Variants in PPP2R5A observed in about 807,000 individuals in gnomAD.
PPP2R5A encodes serine/threonine-protein phosphatase 2A 56 kDa regulatory subunit alpha isoform.
PPP2R5A carries 25 observed loss-of-function variants against 64.2 expected under a neutral mutation model. The ratio of observed to expected loss-of-function variants is 0.39; its 90% confidence interval spans 0.28 to 0.54. PPP2R5A has a LOEUF of 0.54. PPP2R5A is among the 20% of genes least tolerant of loss of function. PPP2R5A has a pLI of 0.67. For missense variants in PPP2R5A, 425 were observed against 576.3 expected, an observed-to-expected ratio of 0.74 and a Z score of 2.69; for synonymous variants, 198 against 201.2, an observed-to-expected ratio of 0.98 and a Z score of 0.13.
intron 1 of PPP2R5A, among the ~76,000 whole-genome samples, chr1:212,303,719 G>T (rs116738954): frequency 0.017 from 2,601 of 151,926 alleles, 76 homozygotes; most frequent in African/African-American, 0.06. Context: ...TTTATATAGG[G>T]TATGACTTAA....
intron 8 of PPP2R5A, among the ~76,000 whole-genome samples, chr1:212,352,479 TCAC>T (rs1167721703): frequency 2.0e-5 from 3 of 151,612 alleles, no homozygotes; most frequent in East Asian, 1.9e-4. Flanking sequence ...AGACAGGATC[TCAC>T]CACATCACCC....
intron 1 of PPP2R5A, among the ~76,000 whole-genome samples, chr1:212,317,269 G>A (rs1377335131): frequency 3.9e-5 from 6 of 152,124 alleles, no homozygotes; most frequent in Non-Finnish European, 2.9e-5. Flanking sequence ...TCTCATTTTA[G>A]AGGGAAGGGG....
intron 1 of PPP2R5A, among the ~76,000 whole-genome samples, chr1:212,312,231 C>T (rs1434060307): frequency 2.0e-5 from 3 of 152,140 alleles, no homozygotes; most frequent in East Asian, 1.9e-4. Context: ...ATAGCCTAGG[C>T]GTGTAGTAGG....
intron 1 of PPP2R5A, among the ~76,000 whole-genome samples, chr1:212,316,926 C>A (rs541100148): frequency 3.4e-4 from 51 of 152,162 alleles, no homozygotes; most frequent in African/African-American, 1.2e-3. Flanking sequence ...TTGTCTGAAG[C>A]GTGAATGCTT....
intron 3 of PPP2R5A, among the ~76,000 whole-genome samples, chr1:212,334,851 G>A (rs754975914): frequency 8.5e-5 from 13 of 152,064 alleles, no homozygotes; most frequent in Non-Finnish European, 1.6e-4. Flanking sequence ...TGATTATGAT[G>A]TATCTAGGTG....
chr1:212,333,907 C>T (rs61828730), intron 3 of PPP2R5A: 8,568 of 196,464 alleles, frequency 0.044, 247 homozygotes, highest in Non-Finnish European at 0.062. Flanking sequence ...AAATGGAAAC[C>T]CCATTGGCAT....
intron 1 of PPP2R5A, among the ~76,000 whole-genome samples, chr1:212,320,700 C>A (rs1659262273): frequency 8.7e-6 from 1 of 114,344 alleles, no homozygotes; most frequent in African/African-American, 2.7e-5. Flanking sequence ...CCCCCCACCT[C>A]CCTCCCGGAT....
chr1:212,344,060 C>CTGGGA (rs1558152540), intron 4 of PPP2R5A, among the ~76,000 whole-genome samples: 4 of 152,232 alleles, frequency 2.6e-5, no homozygotes, highest in Admixed American at 2.6e-4. Flanking sequence ...CAACCTCGGC[C>CTGGGA]TCCCAGGTTC....
chr1:212,321,781 G>C (rs1313829358), intron 1 of PPP2R5A, among the ~76,000 whole-genome samples: 3 of 151,808 alleles, frequency 2.0e-5, no homozygotes, highest in African/African-American at 7.3e-5. Context: ...CTTCCCAGAC[G>C]GGGTGGCCGC....
chr1:212,314,273 C>T (rs1477922472), intron 1 of PPP2R5A, among the ~76,000 whole-genome samples: 1 of 152,184 alleles, frequency 6.6e-6, no homozygotes, highest in East Asian at 1.9e-4. Context: ...CTCTAGTTTT[C>T]TAGTCCTTTA....
At chr1:212,354,725 TGAGAGAGAGA>T (rs67572683) in intron 8 of PPP2R5A, among the ~76,000 whole-genome samples, 3 of 146,998 alleles carry the variant, frequency 2.0e-5, no homozygotes, top group Admixed American at 6.8e-5. Context: ...AGAGAAATGT[TGAGAGAGAGA>T]GAGAGAGAGA....
In PPP2R5A at chr1:212,360,621, T is replaced by C. The variant is rs1311229306; in HGVS notation, c.1329-17T>C. On this transcript the variant is annotated splice_polypyrimidine_tract_variant and intron_variant, in intron 12 of 12. Transcript: ENST00000261461. ...CTGAAATAATTTCTGATTACAAAAA[T>C]TTTGGTTTATCTACAGAGAGAAAAA... 1.3e-6 allele frequency: 2 copies of C among 1,534,726 alleles called. No individual in the cohort carries two copies.
At chr1:212,306,136 T>C (rs1376811742) in intron 1 of PPP2R5A, among the ~76,000 whole-genome samples, 4 of 152,118 alleles carry the variant, frequency 2.6e-5, no homozygotes, top group African/African-American at 9.7e-5. Context: ...CAATCTAAAC[T>C]AATCCTGGTT....
intron 3 of PPP2R5A, among the ~76,000 whole-genome samples, chr1:212,336,903 A>G (rs535171354): frequency 1.2e-4 from 19 of 152,340 alleles, no homozygotes; most frequent in Admixed American, 3.3e-4. Flanking sequence ...GGTGGAAAAT[A>G]AACATTAGTT....
intron 1 of PPP2R5A, among the ~76,000 whole-genome samples, chr1:212,324,974 A>G (rs1659381496): frequency 6.6e-6 from 1 of 152,140 alleles, no homozygotes; most frequent in African/African-American, 2.4e-5. Context: ...TCCAGCACCA[A>G]TTTTGAACTT....
intron 8 of PPP2R5A, among the ~76,000 whole-genome samples, chr1:212,354,599 A>AT (rs1392883022): frequency 6.6e-6 from 1 of 151,658 alleles, no homozygotes; most frequent in Non-Finnish European, 1.5e-5. Flanking sequence ...CAGGAGGATC[A>AT]TTTAAGCCTA....
intron 3 of PPP2R5A, among the ~76,000 whole-genome samples, chr1:212,335,805 T>G (rs1009765311): frequency 6.6e-6 from 1 of 152,246 alleles, no homozygotes; most frequent in African/African-American, 2.4e-5. Context: ...TTTTACATAT[T>G]CTCATTAGCT....
chr1:212,314,581 G>T (rs1369784500), intron 1 of PPP2R5A, among the ~76,000 whole-genome samples: 6 of 146,986 alleles, frequency 4.1e-5, no homozygotes, highest in Non-Finnish European at 8.9e-5. Flanking sequence ...TTTTGAGATG[G>T]TGTCTCGCTG....
intron 4 of PPP2R5A, 69 bp from the exon 5 acceptor site, chr1:212,345,734 A>C: frequency 3.3e-6 from 5 of 1,501,682 alleles, no homozygotes; most frequent in Non-Finnish European, 4.5e-6. Context: ...ATAATCTTTA[A>C]GATCAAAATT....
Sources: allele counts gnomAD v4.1 joint callset (sites outside exome capture counted in the v4.1 genomes callset), GRCh38; gene constraint gnomAD v4.1.1; transcripts MANE v1.5; gene names NCBI Gene and HGNC (gene_info 2026-07-23, HGNC 2026-07-21).